The following U2SURP variants were observed in gnomAD, a reference collection of about 807,000 sequenced individuals.
U2SURP encodes U2 snRNP-associated SURP motif-containing protein.
In U2SURP, 9 loss-of-function variants were observed where a neutral mutation model predicts 144.9. The ratio of observed to expected loss-of-function variants is 0.06; its 90% CI spans 0.04 to 0.11. The LOEUF (loss-of-function observed/expected upper bound fraction) is 0.11. U2SURP is among the 10% of genes least tolerant of loss of function. The pLI, the probability that U2SURP is intolerant of heterozygous loss-of-function variation, is 1.00. For synonymous variants in U2SURP, 408 were observed against 396.8 expected, an observed-to-expected ratio of 1.03 and a Z score of -0.33; for missense variants, 724 against 1,226.7, an observed-to-expected ratio of 0.59 and a Z score of 6.12.
At chr3:143,004,977 T>C (rs924356286) in intron 1 of U2SURP, among the ~76,000 whole-genome samples, 1 of 152,158 alleles carries the variant, frequency 6.6e-6, no homozygotes. Context: ...TAGAATTTAA[T>C]TTATAAAAAA....
At chr3:143,004,558 C>CCAGGCTGGTTTGGAA (rs569993190) in intron 1 of U2SURP, among the ~76,000 whole-genome samples, 1 of 101,274 alleles carries the variant, frequency 9.9e-6, no homozygotes. Flanking sequence ...CATCTGTTGG[C>CCAGGCTGGTTTGGAA]CTCTTGACCT....
intron 25 of U2SURP, among the ~76,000 whole-genome samples, chr3:143,052,481 C>G (rs370518240): frequency 6.6e-6 from 1 of 152,296 alleles, no homozygotes; most frequent in African/African-American, 2.4e-5. Context: ...GTAGCAAGCA[C>G]AAAATACATA....
chr3:143,002,114 C>G (rs1261466091), intron 1 of U2SURP: 1 of 237,578 alleles, frequency 4.2e-6, no homozygotes, highest in African/African-American at 2.4e-5. Flanking sequence ...CCCTCAGTTT[C>G]CCTCCAAGGA....
intron 10 of U2SURP, among the ~76,000 whole-genome samples, chr3:143,022,070 TAGAAC>T (rs1369349290): frequency 3.9e-5 from 6 of 152,246 alleles, no homozygotes; most frequent in Non-Finnish European, 8.8e-5. Flanking sequence ...AGTTGATTGT[TAGAAC>T]AGATGATTAG....
At position 143,056,527 on chromosome 3, in the gene U2SURP, C is replaced by A. The variant is rs1935161064; in HGVS notation, c.*77C>A. 3.3e-6 allele frequency: 5 copies of A among 1,530,560 alleles called. No individual in the cohort carries two copies. The highest frequency in any genetic ancestry group is 4.4e-6 in the Non-Finnish European group (5 of 1,136,806). 94.8% of individuals were successfully genotyped at this position (1,530,560 alleles called of 1,614,324 possible). On this transcript the variant is annotated 3_prime_UTR_variant, in exon 28 of 28. Coordinates refer to ENST00000473835, the MANE Select transcript of U2SURP (RefSeq NM_001080415.2). ...CTGAACGGTCTGTTTTTTAAAAAAA[C>A]AAAAAATCAAATGAAAGAGCATTCC...
chr3:143,008,296 G>A (rs1286851616), intron 1 of U2SURP, among the ~76,000 whole-genome samples: 1 of 152,242 alleles, frequency 6.6e-6, no homozygotes, highest in Non-Finnish European at 1.5e-5. Flanking sequence ...ATGGAAATAG[G>A]CAGAATGCCT....
intron 1 of U2SURP, among the ~76,000 whole-genome samples, chr3:143,009,477 A>T (rs1041869175): frequency 6.6e-6 from 1 of 151,848 alleles, no homozygotes; most frequent in African/African-American, 2.4e-5. Flanking sequence ...GCGTGCCTGT[A>T]CTCCTAGCTA....
intron 16 of U2SURP, among the ~76,000 whole-genome samples, chr3:143,030,373 C>A (rs1402050271): frequency 6.6e-6 from 1 of 152,184 alleles, no homozygotes; most frequent in Non-Finnish European, 1.5e-5. Flanking sequence ...TCAACTCTGC[C>A]TGTGCTCTAT....
At chr3:143,033,696 A>G (rs1358790597) in intron 18 of U2SURP, among the ~76,000 whole-genome samples, 1 of 152,146 alleles carries the variant, frequency 6.6e-6, no homozygotes, top group African/African-American at 2.4e-5. Context: ...ATATTATGCC[A>G]TTTTCAATCA....
Position 143,023,390 on chromosome 3 carries a change from G to A in U2SURP, c.1230+326G>A, listed in dbSNP as rs149150588. 1.1e-4 allele frequency: 22 copies of A among 207,082 alleles called. No homozygotes were observed. The East Asian group carries it at 2.7e-3, about 25-fold the overall frequency. 12.8% of individuals were successfully genotyped at this position (207,082 alleles called of 1,614,324 possible). On this transcript the variant is annotated intron_variant, in intron 12 of 27. Coordinates refer to ENST00000473835, the MANE Select transcript of U2SURP (RefSeq NM_001080415.2). ...AGTGATACTTTGTATTTGGTTAAGTGACATTTCAATTAGAAAGACCTCCTA... is the reference window on the plus strand; with the variant it reads ...AGTGATACTTTGTATTTGGTTAAGTAACATTTCAATTAGAAAGACCTCCTA...
At chr3:143,048,500 T>TA (rs540294086) in intron 24 of U2SURP, among the ~76,000 whole-genome samples, 185 of 152,334 alleles carry the variant, frequency 1.2e-3, no homozygotes, top group African/African-American at 4.3e-3. Context: ...TTCTCAGCCT[T>TA]ACATCTTATC....
chr3:143,018,127 A>G (rs187293712), intron 6 of U2SURP, among the ~76,000 whole-genome samples: 5 of 152,292 alleles, frequency 3.3e-5, no homozygotes, highest in African/African-American at 9.6e-5. Context: ...TTGTGCAACA[A>G]TCACCACTCT....
chr3:143,026,375 G>C (rs1248373884), intron 13 of U2SURP: 1 of 152,138 alleles, frequency 6.6e-6, no homozygotes, highest in Non-Finnish European at 1.5e-5. Flanking sequence ...CAATATTTTG[G>C]AAAGAGTAGT....
At position 143,054,983 on chromosome 3, in the gene U2SURP, A is replaced by G; in HGVS notation, c.2815A>G (p.Ser939Gly). 1 of 1,609,876 alleles carries G rather than the reference A, an allele frequency of 6.2e-7. No homozygotes were observed. The highest frequency in any genetic ancestry group is 8.5e-7 in the Non-Finnish European group (1 of 1,178,218). The change falls in exon 27 of 28, where the codon AGC becomes GGC. Residue 939 changes from serine (S) to glycine (G), a missense_variant. Ser to Gly is a moderately conservative substitution (Grantham distance 56). Transcript: ENST00000473835. Reference protein sequence around the residue: ...HSTSPSPSRSSSGRRVKSPSP... With the variant: ...HSTSPSPSRSGSGRRVKSPSP... ...TACATCCCCCAGCCCATCTCGCAGT[A>G]GCAGTGGTAGACGAGTGAAATCCCC...
chr3:143,019,874 A>G (rs760626255), intron 6 of U2SURP, 95 bp from the exon 7 acceptor site: 2 of 554,214 alleles, frequency 3.6e-6, no homozygotes, highest in East Asian at 3.4e-5. Context: ...AGAACATACA[A>G]TTTGTACTGA....
intron 10 of U2SURP, 130 bp from the exon 11 acceptor site, chr3:143,022,366 TG>T: frequency 1.4e-6 from 1 of 730,894 alleles, no homozygotes; most frequent in Non-Finnish European, 2.0e-6. Context: ...GTGGCGTTCC[TG>T]GTACTTAAAT....
chr3:143,036,171 G>A (rs1933799169), intron 20 of U2SURP, 67 bp downstream of exon 20: 2 of 1,494,570 alleles, frequency 1.3e-6, no homozygotes, highest in Non-Finnish European at 1.8e-6. Context: ...TCTTGGAGTT[G>A]TTCTGTGTTA....
intron 25 of U2SURP, 123 bp from the exon 26 acceptor site, chr3:143,053,553 G>A: frequency 1.5e-6 from 1 of 680,740 alleles, no homozygotes; most frequent in Non-Finnish European, 2.3e-6. Flanking sequence ...TTTTTTAATA[G>A]TATTGTACCT....
chr3:143,031,595 G>GT (rs1388273745), intron 16 of U2SURP, among the ~76,000 whole-genome samples: 1 of 152,244 alleles, frequency 6.6e-6, no homozygotes, highest in South Asian at 2.1e-4. Context: ...TGTGTACATT[G>GT]TTTTTTTAGA....
Sources: allele counts gnomAD v4.1 joint callset (sites outside exome capture counted in the v4.1 genomes callset), GRCh38; gene constraint gnomAD v4.1.1; transcripts MANE v1.5; gene names NCBI Gene and HGNC (gene_info 2026-07-23, HGNC 2026-07-21).